The following SLC38A11 variants were observed in gnomAD, a reference collection of about 807,000 sequenced individuals.
The protein encoded by SLC38A11 is putative sodium-coupled neutral amino acid transporter 11.
In SLC38A11, 51 loss-of-function variants were observed where a neutral mutation model predicts 49.4. That is an observed-to-expected ratio of 1.03 (90% CI 0.83 to 1.30). The LOEUF (loss-of-function observed/expected upper bound fraction) is 1.30. Among genes scored for constraint, SLC38A11 ranks in the 50% most tolerant of loss-of-function variants. The probability of loss-of-function intolerance (pLI) is 0.00; values close to 1 mark genes in which losing one functional copy is unlikely to be tolerated. For missense variants in SLC38A11, 574 were observed against 556.2 expected (o/e 1.03, Z -0.32); for synonymous variants, 203 against 192.9 (o/e 1.05, Z -0.43).
In SLC38A11 at chr2:164,900,514, C is replaced by T. The variant is rs541213067; in HGVS notation, c.1096-1784G>A. 6.6e-5 allele frequency among the ~76,000 whole-genome samples: 10 copies of T among 152,118 alleles called. No homozygotes were observed. The South Asian group carries it at 1.7e-3, about 25-fold the overall frequency. On this transcript the variant is annotated intron_variant, in intron 11 of 11. Transcript: ENST00000685975. Reference sequence around the variant, plus strand: ...CATCCTAAAGGGTATGAAGTGATATCGCCTAGTGGTTTTAATTTGCATTTT... The same window carrying T: ...CATCCTAAAGGGTATGAAGTGATATTGCCTAGTGGTTTTAATTTGCATTTT...
intron 2 of SLC38A11, 192 bp from the exon 3 acceptor site, chr2:164,952,973 A>G (rs946912821): frequency 1.3e-5 from 7 of 519,540 alleles, no homozygotes; most frequent in Non-Finnish European, 2.4e-5. Flanking sequence ...ATAAAATGTT[A>G]TTAGCTTAGG....
intron 9 of SLC38A11, chr2:164,911,986 G>C: frequency 3.5e-6 from 1 of 288,362 alleles, no homozygotes. Flanking sequence ...TATAGCCTAG[G>C]AGCAATAAGC....
intron 7 of SLC38A11, 117 bp downstream of exon 7, chr2:164,937,233 C>T (rs1687432492): frequency 4.2e-6 from 3 of 706,128 alleles, no homozygotes; most frequent in Non-Finnish European, 7.2e-6. Context: ...TGTCAAATAC[C>T]AAAGATAAAT....
rs144993918 is a variant in SLC38A11, at chr2:164,925,213, G to A, written c.618-9240C>T. On this transcript the variant is annotated intron_variant, in intron 7 of 11. Transcript: ENST00000685975. ...TTCCTCTGTTAATGCTTTAAAATTG[G>A]TGTTAACTGTGTTTACCTCTGTGGG... 9.6e-4 allele frequency among the ~76,000 whole-genome samples: 146 copies of A among 152,156 alleles called. 2 individuals are homozygous for A. In the East Asian group the frequency reaches 0.017, roughly 18 times the overall value.
intron 7 of SLC38A11, among the ~76,000 whole-genome samples, chr2:164,917,631 A>G (rs986880046): frequency 2.6e-5 from 4 of 152,198 alleles, no homozygotes; most frequent in Non-Finnish European, 5.9e-5. Flanking sequence ...TAACAGTTGT[A>G]GAAACTTGAG....
At chr2:164,906,025 A>G (rs1193699463) in intron 11 of SLC38A11, among the ~76,000 whole-genome samples, 1 of 152,152 alleles carries the variant, frequency 6.6e-6, no homozygotes, top group Admixed American at 6.5e-5. Flanking sequence ...AACTTTACAG[A>G]AAGTAATGGC....
chr2:164,913,439 T>C (rs1464174287), intron 9 of SLC38A11, among the ~76,000 whole-genome samples: 1 of 152,028 alleles, frequency 6.6e-6, no homozygotes, highest in East Asian at 1.9e-4. Context: ...TGAAAGAGGT[T>C]AGAAAAGAAG....
At chr2:164,945,840 A>T in intron 3 of SLC38A11, 113 bp from the exon 4 acceptor site, 1 of 1,157,674 alleles carries the variant, frequency 8.6e-7, no homozygotes, top group Middle Eastern at 2.3e-4. Context: ...ATTTAATTTA[A>T]TGCTGCAGTA....
intron 7 of SLC38A11, among the ~76,000 whole-genome samples, chr2:164,916,276 C>T (rs1685779676): frequency 6.6e-6 from 1 of 152,028 alleles, no homozygotes; most frequent in African/African-American, 2.4e-5. Flanking sequence ...TAACAGACAG[C>T]ATTGATTATG....
At chr2:164,945,164 T>G (rs1432014975) in intron 4 of SLC38A11, among the ~76,000 whole-genome samples, 1 of 152,148 alleles carries the variant, frequency 6.6e-6, no homozygotes, top group Non-Finnish European at 1.5e-5. Context: ...AACATTTCAT[T>G]TTTTAAGAAG....
At chr2:164,926,869 G>C (rs1418087557) in intron 7 of SLC38A11, among the ~76,000 whole-genome samples, 2 of 122,274 alleles carry the variant, frequency 1.6e-5, no homozygotes, top group African/African-American at 3.1e-5. Context: ...GTTGTGGGGT[G>C]GGGGGAGGGG....
intron 7 of SLC38A11, among the ~76,000 whole-genome samples, chr2:164,923,655 C>T (rs1004127493): frequency 3.3e-5 from 5 of 151,730 alleles, no homozygotes; most frequent in East Asian, 1.9e-4. Flanking sequence ...AAATTAGCCA[C>T]GCGTGGTGGT....
In SLC38A11 at chr2:164,897,929, A is replaced by C. The variant is rs1684410798; in HGVS notation, c.*508T>G. On this transcript the variant is annotated 3_prime_UTR_variant, in exon 12 of 12. Coordinates refer to ENST00000685975, the MANE Select transcript of SLC38A11 (RefSeq NM_001351537.2). ...TTTCTCCAGGGATCCATTTCCCTTT[A>C]AACAAAGGATGCTGCTGAAATTATA... 1 of 152,858 alleles carries C rather than the reference A, an allele frequency of 6.5e-6. No individual in the cohort carries two copies. Among genetic ancestry groups the C allele is most frequent in the South Asian group, 2.1e-4 (1 of 4,854 alleles). 9.5% of individuals were successfully genotyped at this position (152,858 alleles called of 1,614,324 possible).
chr2:164,921,485 C>A (rs1260148553), intron 7 of SLC38A11, among the ~76,000 whole-genome samples: 1 of 149,074 alleles, frequency 6.7e-6, no homozygotes, highest in Non-Finnish European at 1.5e-5. Flanking sequence ...CCACACTTGG[C>A]TATATTTTTA....
At chr2:164,900,127 T>C (rs1057279722) in intron 11 of SLC38A11, among the ~76,000 whole-genome samples, 2 of 152,124 alleles carry the variant, frequency 1.3e-5, no homozygotes, top group African/African-American at 4.8e-5. Context: ...TGGCAGGATC[T>C]CCTTTTTCAA....
chr2:164,929,242 T>C (rs1357696664), intron 7 of SLC38A11, among the ~76,000 whole-genome samples: 5 of 152,106 alleles, frequency 3.3e-5, no homozygotes, highest in Admixed American at 2.6e-4. Flanking sequence ...CATATGTAGT[T>C]TGCACCCTGC....
At position 164,935,839 on chromosome 2, in the gene SLC38A11, C is replaced by G. The variant is rs558198223; in HGVS notation, c.617+1511G>C. 7.2e-5 allele frequency among the ~76,000 whole-genome samples: 11 copies of G among 152,218 alleles called. No homozygotes were observed. In the South Asian group the frequency reaches 2.3e-3, roughly 32 times the overall value. ...TGAGAGATAATTAGGGTTAGATAAA[C>G]GCATGAGGGAAGGGTGGAGCCCTCA... On this transcript the variant is annotated intron_variant, in intron 7 of 11. Transcript: ENST00000685975.
intron 7 of SLC38A11, among the ~76,000 whole-genome samples, chr2:164,924,959 T>C (rs1241235244): frequency 6.6e-6 from 1 of 152,070 alleles, no homozygotes; most frequent in Non-Finnish European, 1.5e-5. Flanking sequence ...GGGGTTTCAC[T>C]GTGGTCTCGA....
In SLC38A11 at chr2:164,949,028, T is replaced by A. The variant is rs1430346322; in HGVS notation, c.230-3301A>T. Among the ~76,000 whole-genome samples the A allele has an allele frequency of 3.3e-5, 5 of 151,634 alleles. No individual in the cohort carries two copies. The East Asian group carries it at 7.8e-4, about 24-fold the overall frequency. On this transcript the variant is annotated intron_variant, in intron 3 of 11. Coordinates refer to ENST00000685975, the MANE Select transcript of SLC38A11 (RefSeq NM_001351537.2). Reference sequence around the variant, plus strand: ...TATTATGGTATTTTTTATAAAGTGGTATAATTATTTTTTTTTTCTGCTTGA... The same window carrying A: ...TATTATGGTATTTTTTATAAAGTGGAATAATTATTTTTTTTTTCTGCTTGA...
Sources: allele counts gnomAD v4.1 joint callset (sites outside exome capture counted in the v4.1 genomes callset), GRCh38; gene constraint gnomAD v4.1.1; transcripts MANE v1.5; gene names NCBI Gene and HGNC (gene_info 2026-07-23, HGNC 2026-07-21).